KCNIP1: variants seen among roughly 807,000 people sequenced by gnomAD.
KCNIP1 encodes potassium voltage-gated channel interacting protein 1, also known as A-type potassium channel modulatory protein KCNIP1.
KCNIP1 carries 18 observed loss-of-function variants against 33.0 expected under a neutral mutation model. The ratio of observed to expected loss-of-function variants is 0.55; its 90% CI spans 0.38 to 0.81. The LOEUF is 0.81. Among genes scored for constraint, KCNIP1 ranks in the 30% least tolerant of loss-of-function variants. KCNIP1 has a pLI of 0.00. For synonymous variants in KCNIP1, 93 were observed against 98.3 expected, an observed-to-expected ratio of 0.95 and a Z score of 0.32; for missense variants, 238 against 271.6, an observed-to-expected ratio of 0.88 and a Z score of 0.87.
At chr5:170,524,606 A>G (rs1385287384) in intron 1 of KCNIP1, among the ~76,000 whole-genome samples, 1 of 152,126 alleles carries the variant, frequency 6.6e-6, no homozygotes, top group African/African-American at 2.4e-5. Context: ...CACAGTGGCC[A>G]TCTTATCAAG....
At chr5:170,483,469 G>A (rs561412569) in intron 1 of KCNIP1, among the ~76,000 whole-genome samples, 1 of 152,260 alleles carries the variant, frequency 6.6e-6, no homozygotes, top group East Asian at 1.9e-4. Context: ...AGGATATCTG[G>A]CTGGTTGTAT....
At chr5:170,608,920 C>A (rs921708940) in intron 1 of KCNIP1, among the ~76,000 whole-genome samples, 1 of 152,110 alleles carries the variant, frequency 6.6e-6, no homozygotes, top group Admixed American at 6.5e-5. Context: ...CAGTCCCGGG[C>A]GGAGGCAGGG....
chr5:170,635,831 G>A (rs1441023124), intron 1 of KCNIP1, among the ~76,000 whole-genome samples: 2 of 152,270 alleles, frequency 1.3e-5, no homozygotes, highest in East Asian at 3.8e-4. Flanking sequence ...ACGCTGATGG[G>A]CTAGACCATG....
intron 1 of KCNIP1, among the ~76,000 whole-genome samples, chr5:170,569,466 A>T (rs1757320919): frequency 6.6e-6 from 1 of 152,260 alleles, no homozygotes; most frequent in Admixed American, 6.5e-5. Context: ...TATCAGAGTT[A>T]TTTGAATAAT....
chr5:170,476,331 A>C (rs1030858966), intron 1 of KCNIP1, among the ~76,000 whole-genome samples: 1 of 152,232 alleles, frequency 6.6e-6, no homozygotes, highest in South Asian at 2.1e-4. Context: ...GACTAATTAC[A>C]ATAACAGATG....
chr5:170,734,255 A>G (rs74508829), intron 7 of KCNIP1, among the ~76,000 whole-genome samples: 1 of 9,828 alleles, frequency 1.0e-4, no homozygotes, highest in Admixed American at 1.6e-3. Context: ...AGCTGGGGGG[A>G]AAAAAACCTA....
chr5:170,395,502 A>G lies in KCNIP1; in HGVS notation c.88+41538A>G, dbSNP rs529764982. ...TGCTTGTTTGTGTTTAGCGGAAGGCAGAGTCCGCCTCTGCTATGGGCAGAC... is the reference window on the plus strand; with the variant it reads ...TGCTTGTTTGTGTTTAGCGGAAGGCGGAGTCCGCCTCTGCTATGGGCAGAC... On this transcript the variant is annotated intron_variant, in intron 1 of 7. Coordinates refer to the KCNIP1 transcript ENST00000377360. Among the ~76,000 whole-genome samples the G allele has an allele frequency of 3.3e-5, 5 of 152,390 alleles. No individual in the cohort carries two copies. In the South Asian group the frequency reaches 1.0e-3, roughly 32 times the overall value.
intron 1 of KCNIP1, among the ~76,000 whole-genome samples, chr5:170,586,803 G>A (rs1292862467): frequency 1.3e-5 from 2 of 152,224 alleles, no homozygotes; most frequent in Non-Finnish European, 2.9e-5. Context: ...ACACTTCATT[G>A]TGTGTGCTTC....
At chr5:170,445,955 TAAGAC>T (rs1441207716) in intron 1 of KCNIP1, among the ~76,000 whole-genome samples, 1 of 152,228 alleles carries the variant, frequency 6.6e-6, no homozygotes, top group Non-Finnish European at 1.5e-5. Flanking sequence ...AAGTTTGTGC[TAAGAC>T]AAGGGAAATT....
intron 1 of KCNIP1, among the ~76,000 whole-genome samples, chr5:170,433,129 T>C (rs1755781050): frequency 6.6e-6 from 1 of 152,186 alleles, no homozygotes; most frequent in Admixed American, 6.5e-5. Context: ...CCTGATACAG[T>C]CCCAGTCTAA....
intron 1 of KCNIP1, among the ~76,000 whole-genome samples, chr5:170,670,809 T>C (rs1277455848): frequency 6.6e-6 from 1 of 151,920 alleles, no homozygotes; most frequent in Non-Finnish European, 1.5e-5. Context: ...GGCAGGAGAA[T>C]TGCTTGAGCC....
chr5:170,501,832 T>C (rs1478612045), upstream of KCNIP1, among the ~76,000 whole-genome samples: 1 of 152,200 alleles, frequency 6.6e-6, no homozygotes, highest in Non-Finnish European at 1.5e-5. Flanking sequence ...CACTGGGTCC[T>C]CTAGTGACCC....
rs201324941 is a variant in KCNIP1 at position 170,712,859 on chromosome 5, G to A, written c.62-5899G>A. 195 of 1,613,828 alleles carry A rather than the reference G, an allele frequency of 1.2e-4. 4 individuals carry two copies. In the South Asian group the frequency reaches 1.9e-3, roughly 16 times the overall value. ...GTTTTCTCACTCTTTCCTAGACATCGCCTGGTGGTATTACCAGTATCAGAG... is the reference window on the plus strand; with the variant it reads ...GTTTTCTCACTCTTTCCTAGACATCACCTGGTGGTATTACCAGTATCAGAG... On this transcript the variant is annotated intron_variant, in intron 1 of 7. Coordinates refer to ENST00000328939, the MANE Select transcript of KCNIP1 (RefSeq NM_014592.4).
intron 1 of KCNIP1, among the ~76,000 whole-genome samples, chr5:170,657,207 G>A (rs954435602): frequency 9.9e-5 from 15 of 151,828 alleles, no homozygotes; most frequent in Admixed American, 5.9e-4. Context: ...TGTTGGCCAC[G>A]CTGGTCTTGA....
intron 1 of KCNIP1, among the ~76,000 whole-genome samples, chr5:170,619,409 G>A (rs937284293): frequency 4.6e-4 from 70 of 152,160 alleles, no homozygotes; most frequent in African/African-American, 1.6e-3. Flanking sequence ...AGGGAGGTAT[G>A]AGATGTAAGA....
chr5:170,359,597 C>G (rs1276353152), intron 1 of KCNIP1, among the ~76,000 whole-genome samples: 1 of 152,200 alleles, frequency 6.6e-6, no homozygotes, highest in African/African-American at 2.4e-5. Context: ...AGTGCCAGTG[C>G]TTTGTCACAG....
chr5:170,522,053 G>C (rs1023270182), intron 1 of KCNIP1, among the ~76,000 whole-genome samples: 1 of 152,178 alleles, frequency 6.6e-6, no homozygotes, highest in African/African-American at 2.4e-5. Flanking sequence ...TCACAGCCAG[G>C]CCTGCCACCG....
chr5:170,718,608 G>A (rs1448734299), intron 1 of KCNIP1, 150 bp from the exon 2 acceptor site: 5 of 842,558 alleles, frequency 5.9e-6, no homozygotes, highest in East Asian at 2.8e-5. Flanking sequence ...GGGAAGTGGG[G>A]TTCAAGATAG....
Position 170,722,792 on chromosome 5 carries a change from T to A in KCNIP1, c.407T>A (p.Ile136Asn). 1.2e-6 allele frequency: 2 copies of A among 1,613,348 alleles called. No homozygotes were observed. The highest frequency in any genetic ancestry group is 1.7e-6 in the Non-Finnish European group (2 of 1,179,346). Residue 136 changes from isoleucine to asparagine, a missense_variant, in exon 5 of 8, where the codon ATC becomes AAC. Physicochemically the swap from Ile to Asn is moderately radical, Grantham distance 149. Coordinates refer to ENST00000328939, the MANE Select transcript of KCNIP1 (RefSeq NM_014592.4). ...KLRWTFNLYDINKDGYINKEE... is the reference protein window; with the variant it reads ...KLRWTFNLYDNNKDGYINKEE... ...AGGTGGACATTTAATTTGTATGACA[T>A]CAACAAGGACGGATACATAAACAAA...
Sources: gnomAD v4.1 joint callset for allele counts (sites outside exome capture counted in the v4.1 genomes callset) on GRCh38, gnomAD v4.1.1 for gene constraint, MANE v1.5 for transcripts, NCBI Gene and HGNC (gene_info 2026-07-23, HGNC 2026-07-21) for gene names.